MSMB: variants seen among roughly 807,000 people sequenced by gnomAD.
MSMB encodes beta-microseminoprotein.
A neutral mutation model predicts 10.5 loss-of-function variants in MSMB; 10 were observed. That is an observed-to-expected ratio of 0.95 (90% CI 0.59 to 1.62). The LOEUF (loss-of-function observed/expected upper bound fraction) is 1.62. Ranked by LOEUF, MSMB falls within the 40% of genes most tolerant of loss-of-function variation. The pLI is 0.00. For synonymous variants in MSMB, 43 were observed against 46.5 expected, an observed-to-expected ratio of 0.93 and a Z score of 0.30; for missense variants, 126 against 137.4, an observed-to-expected ratio of 0.92 and a Z score of 0.42.
intron 2 of MSMB, 103 bp from the exon 3 acceptor site, chr10:46,039,174 G>C (rs1554928058): frequency 2.1e-6 from 2 of 938,914 alleles, no homozygotes; most frequent in East Asian, 2.6e-5. Context: ...CTCCCAGAGA[G>C]AGAGGAGCTC....
At chr10:46,034,657 C>T (rs2132410152) in intron 3 of MSMB, among the ~76,000 whole-genome samples, 1 of 151,556 alleles carries the variant, frequency 6.6e-6, no homozygotes, top group East Asian at 2.0e-4. Context: ...AACCCCGTCT[C>T]CACTAAAAAT....
intron 1 of MSMB, among the ~76,000 whole-genome samples, chr10:46,042,607 ACTC>A (rs1175803566): frequency 6.6e-6 from 1 of 152,160 alleles, no homozygotes; most frequent in Non-Finnish European, 1.5e-5. Context: ...ACAGAGACAG[ACTC>A]CTCCACAACG....
intron 1 of MSMB, among the ~76,000 whole-genome samples, chr10:46,045,813 A>G (rs1193168458): frequency 6.6e-6 from 1 of 152,072 alleles, no homozygotes; most frequent in Non-Finnish European, 1.5e-5. Context: ...CTGGGTTCCT[A>G]TCTCAGCTCA....
At chr10:46,038,377 T>C (rs1443561478) in intron 3 of MSMB, among the ~76,000 whole-genome samples, 1 of 151,732 alleles carries the variant, frequency 6.6e-6, no homozygotes, top group Non-Finnish European at 1.5e-5. Flanking sequence ...AAGCTCTGCC[T>C]CCCGGGTTCA....
At position 46,038,965 on chromosome 10, in the gene MSMB, C is replaced by T. The variant is rs1279984142; in HGVS notation, c.215+1G>A. 1 of 1,613,046 alleles carries T rather than the reference C, an allele frequency of 6.2e-7. No individual in the cohort carries two copies. Among genetic ancestry groups the T allele is most frequent in the Admixed American group, 1.7e-5 (1 of 59,990 alleles). ...TTGGCCAGCACTGGCTTGAGACTTA[C>T]AGGGTGCAACATGAAATTTCTGTTT... On this transcript the variant is annotated splice_donor_variant, in intron 3 of 3. Coordinates refer to ENST00000582163, the MANE Select transcript of MSMB (RefSeq NM_002443.4). LOFTEE classifies it high-confidence loss of function.
chr10:46,041,074 T>C (rs565610046), intron 1 of MSMB, among the ~76,000 whole-genome samples: 2 of 152,220 alleles, frequency 1.3e-5, no homozygotes, highest in South Asian at 4.1e-4. Flanking sequence ...CCAGGCGTGG[T>C]GGCTCATGCC....
intron 3 of MSMB, among the ~76,000 whole-genome samples, chr10:46,035,952 C>CTAAT (rs1376714074): frequency 1.3e-5 from 2 of 152,156 alleles, no homozygotes; most frequent in African/African-American, 4.8e-5. Context: ...AGGCAAAAGG[C>CTAAT]ATATTACTGC....
chr10:46,037,664 C>T (rs1489852284), intron 3 of MSMB, among the ~76,000 whole-genome samples: 2 of 152,162 alleles, frequency 1.3e-5, no homozygotes, highest in Non-Finnish European at 2.9e-5. Flanking sequence ...CCCCTCACAT[C>T]TGATCCCTCT....
At chr10:46,039,454 C>T (rs190859841) in intron 2 of MSMB, among the ~76,000 whole-genome samples, 16 of 152,312 alleles carry the variant, frequency 1.1e-4, no homozygotes, top group Non-Finnish European at 1.3e-4. Flanking sequence ...TGCTTTGCAT[C>T]GGTGGTTTTC....
intron 1 of MSMB, 72 bp downstream of exon 1, chr10:46,046,163 C>A: frequency 6.9e-7 from 1 of 1,445,030 alleles, no homozygotes; most frequent in Non-Finnish European, 9.7e-7. Flanking sequence ...GGTAGAAGCA[C>A]ACGCATATTA....
intron 1 of MSMB, among the ~76,000 whole-genome samples, chr10:46,042,571 A>T (rs1840777461): frequency 6.6e-6 from 1 of 152,172 alleles, no homozygotes; most frequent in South Asian, 2.1e-4. Context: ...CCAAGATGTG[A>T]TCCTAAAAAT....
At chr10:46,043,910 A>G (rs566626988) in intron 1 of MSMB, among the ~76,000 whole-genome samples, 23 of 143,404 alleles carry the variant, frequency 1.6e-4, no homozygotes, top group South Asian at 1.1e-3. Context: ...CCTGACCTCA[A>G]ATGATCCGCC....
Position 46,040,066 on chromosome 10 carries a change from A to G in MSMB, c.29T>C (p.Ile10Thr). MNVLLGSVV[I>T]FATFVTLCNA... Reference sequence around the variant, plus strand: ...GCATAAAGTCACGAAGGTGGCAAAGATCACAACGCTGCCCAGGAGAACATT... The same window carrying G: ...GCATAAAGTCACGAAGGTGGCAAAGGTCACAACGCTGCCCAGGAGAACATT... Residue 10 changes from isoleucine (I) to threonine (T), a missense_variant, in exon 2 of 4, where the codon ATC becomes ACC. Physicochemically the swap from Ile to Thr is moderately conservative, Grantham distance 89 (BLOSUM62 -1). Transcript: ENST00000582163. 6.2e-7 allele frequency: 1 copy of G among 1,613,928 alleles called. No homozygotes were observed. The highest frequency in any genetic ancestry group is 8.5e-7 in the Non-Finnish European group (1 of 1,179,804).
chr10:46,035,317 T>A (rs1263543957), intron 3 of MSMB, among the ~76,000 whole-genome samples: 1 of 152,210 alleles, frequency 6.6e-6, no homozygotes, highest in Non-Finnish European at 1.5e-5. Flanking sequence ...GACTCAAACA[T>A]TATATGCCAA....
Position 46,038,581 on chromosome 10 carries a change from A to T in MSMB, c.215+385T>A, listed in dbSNP as rs1007357744. ...GGGATTACAGGCGTGAGCCATTGTG[A>T]CTGGCCCACAATTTTTTAAAAAGAA... On this transcript the variant is annotated intron_variant, in intron 3 of 3. Coordinates refer to ENST00000582163, the MANE Select transcript of MSMB (RefSeq NM_002443.4). 2.6e-5 allele frequency among the ~76,000 whole-genome samples: 4 copies of T among 152,168 alleles called. 1 individual carries two copies. The East Asian group carries it at 7.8e-4, about 30-fold the overall frequency.
At chr10:46,042,562 CA>C (rs1278679541) in intron 1 of MSMB, among the ~76,000 whole-genome samples, 5 of 152,186 alleles carry the variant, frequency 3.3e-5, no homozygotes, top group African/African-American at 9.7e-5. Context: ...TTTTCATCTC[CA>C]AGATGTGATC....
intron 1 of MSMB, 42 bp from the exon 2 acceptor site, chr10:46,040,133 C>T (rs1390456007): frequency 6.4e-7 from 1 of 1,552,900 alleles, no homozygotes; most frequent in Admixed American, 1.7e-5. Flanking sequence ...TGAATTAATT[C>T]AAAGGATAAT....
chr10:46,033,386 G>A lies in MSMB; in HGVS notation c.*36C>T, dbSNP rs149769249. ...CTATTAGAGGCCAGAGGAGAATGAGGCCTGGCCTGGGAGCCCTGTGCCTAC... is the reference window on the plus strand; with the variant it reads ...CTATTAGAGGCCAGAGGAGAATGAGACCTGGCCTGGGAGCCCTGTGCCTAC... On this transcript the variant is annotated 3_prime_UTR_variant, in exon 4 of 4. Transcript: ENST00000582163. 6.4e-5 allele frequency: 103 copies of A among 1,610,286 alleles called. 1 individual carries two copies. Among genetic ancestry groups the A allele is most frequent in the Admixed American group, 5.5e-4 (33 of 59,832 alleles).
At chr10:46,039,156 C>T (rs1408799869) in intron 2 of MSMB, 85 bp from the exon 3 acceptor site, 1 of 1,123,076 alleles carries the variant, frequency 8.9e-7, no homozygotes, top group Non-Finnish European at 1.3e-6. Context: ...CCCCTACTAT[C>T]TACACCCCTC....
Sources: gnomAD v4.1 joint callset for allele counts (sites outside exome capture counted in the v4.1 genomes callset) on GRCh38, gnomAD v4.1.1 for gene constraint, MANE v1.5 for transcripts, NCBI Gene and HGNC (gene_info 2026-07-23, HGNC 2026-07-21) for gene names.